PRKAR1B: variants seen among roughly 807,000 people sequenced by gnomAD.
The protein encoded by PRKAR1B is protein kinase cAMP-dependent type I regulatory subunit beta.
Under a neutral mutation model 46.5 loss-of-function variants are expected in PRKAR1B, and 22 were observed. The ratio of observed to expected loss-of-function variants is 0.47; its 90% CI spans 0.34 to 0.68. The LOEUF is 0.68. Among genes scored for constraint, PRKAR1B ranks in the 30% least tolerant of loss-of-function variants. The pLI is 0.01. For synonymous variants in PRKAR1B, 259 were observed against 217.7 expected, an observed-to-expected ratio of 1.19 and a Z score of -1.67; for missense variants, 445 against 535.6, an observed-to-expected ratio of 0.83 and a Z score of 1.67.
chr7:636,010 C>T (rs1348455094), intron 4 of PRKAR1B, among the ~76,000 whole-genome samples: 1 of 77,350 alleles, frequency 1.3e-5, no homozygotes, highest in Admixed American at 1.4e-4. Context: ...CCGGCCGCGC[C>T]CTCACGTCCT....
chr7:727,346 C>A, upstream of PRKAR1B: 3 of 1,173,970 alleles, frequency 2.6e-6, no homozygotes, highest in Non-Finnish European at 3.2e-6. Flanking sequence ...TCCCACACGC[C>A]ACCCCACACT....
chr7:656,147 T>A (rs1785173231), intron 4 of PRKAR1B, among the ~76,000 whole-genome samples: 2 of 152,140 alleles, frequency 1.3e-5, no homozygotes, highest in Non-Finnish European at 2.9e-5. Context: ...GATGGGTGAA[T>A]GAATGGATGG....
At chr7:600,668 G>A (rs1007877432) in intron 6 of PRKAR1B, among the ~76,000 whole-genome samples, 1 of 152,164 alleles carries the variant, frequency 6.6e-6, no homozygotes, top group African/African-American at 2.4e-5. Flanking sequence ...GAAACCGAGG[G>A]AAGCCCGGAA....
At position 551,374 on chromosome 7, in the gene PRKAR1B, GC is replaced by G; in HGVS notation, c.973+14del. ...GCCACAGCCGTGCGAGGGAGGGGAC[GC>G]CCACTGGACTCACCGAAGTAGTCAG... is the stretch of plus-strand genomic sequence containing the variant. On this transcript the variant is annotated intron_variant, in intron 10 of 10. Transcript: ENST00000537384. 6.4e-7 allele frequency: 1 copy of G among 1,551,334 alleles called. No individual in the cohort carries two copies. The highest frequency in any genetic ancestry group is 1.8e-4 in the Middle Eastern group (1 of 5,576).
chr7:576,058 C>T (rs1347335705), intron 9 of PRKAR1B, among the ~76,000 whole-genome samples: 2 of 151,218 alleles, frequency 1.3e-5, no homozygotes, highest in Non-Finnish European at 2.9e-5. Flanking sequence ...GGCAAATGTG[C>T]ACACAGGCAT....
chr7:571,351 G>A (rs569799565), intron 9 of PRKAR1B, among the ~76,000 whole-genome samples: 48 of 152,262 alleles, frequency 3.2e-4, no homozygotes, highest in African/African-American at 1.1e-3. Context: ...GTTTTGCAGG[G>A]GTCCCTTTCC....
chr7:712,008 C>A (rs569302050), intron 1 of PRKAR1B, among the ~76,000 whole-genome samples: 5 of 151,454 alleles, frequency 3.3e-5, no homozygotes, highest in African/African-American at 1.2e-4. Context: ...GCTGGGGCGG[C>A]CTCTGCACAG....
At chr7:685,639 C>T (rs1276153718) in intron 2 of PRKAR1B, among the ~76,000 whole-genome samples, 1 of 151,366 alleles carries the variant, frequency 6.6e-6, no homozygotes, top group Non-Finnish European at 1.5e-5. Flanking sequence ...GTCAGTTCAC[C>T]TACAAAGGAC....
chr7:702,864 A>G (rs1324408776), intron 2 of PRKAR1B, among the ~76,000 whole-genome samples: 1 of 151,700 alleles, frequency 6.6e-6, no homozygotes, highest in Admixed American at 6.6e-5. Flanking sequence ...ATAAATAAAT[A>G]AAGATGCATC....
At chr7:727,416 C>A, upstream of PRKAR1B, 1 of 551,836 alleles carries the variant, frequency 1.8e-6, no homozygotes, top group East Asian at 4.4e-5. Flanking sequence ...GGCCCCGCCC[C>A]CCTCCACGCC....
rs76709894 is a variant in PRKAR1B, at chr7:571,613, G to C, written c.891+7643C>G. On this transcript the variant is annotated intron_variant, in intron 9 of 10. Transcript: ENST00000537384. ...TCCCAGGCCGCTGCCGCCCCGTATAGGAGGAAGCTGGGGAATTTCGGTCTC... is the reference window on the plus strand; with the variant it reads ...TCCCAGGCCGCTGCCGCCCCGTATACGAGGAAGCTGGGGAATTTCGGTCTC... Among the ~76,000 whole-genome samples, 86 of 152,376 alleles carry C rather than the reference G, an allele frequency of 5.6e-4. No homozygotes were observed. In the East Asian group the frequency reaches 0.014, roughly 25 times the overall value.
At chr7:624,009 C>T (rs184438360) in intron 4 of PRKAR1B, among the ~76,000 whole-genome samples, 6 of 152,320 alleles carry the variant, frequency 3.9e-5, no homozygotes, top group East Asian at 1.9e-4. Flanking sequence ...CTGGCCATGG[C>T]GTCCAGCCCT....
intron 9 of PRKAR1B, among the ~76,000 whole-genome samples, chr7:573,878 G>A (rs1025281663): frequency 1.3e-5 from 2 of 152,142 alleles, no homozygotes; most frequent in South Asian, 2.1e-4. Context: ...GTCCTCAGCC[G>A]ATGACCCCGG....
At chr7:573,965 C>T (rs968263244) in intron 9 of PRKAR1B, among the ~76,000 whole-genome samples, 2 of 152,248 alleles carry the variant, frequency 1.3e-5, no homozygotes, top group South Asian at 2.1e-4. Context: ...GCGTGGGGGG[C>T]TCCCAGGACG....
intron 1 of PRKAR1B, chr7:726,948 ACTG>A (rs1235721334): frequency 7.5e-7 from 1 of 1,331,536 alleles, no homozygotes; most frequent in Non-Finnish European, 9.6e-7. Flanking sequence ...GGGCGCGCCT[ACTG>A]CTGCCGCGCT....
chr7:589,889 G>A (rs1013423330), intron 7 of PRKAR1B, among the ~76,000 whole-genome samples: 4 of 152,224 alleles, frequency 2.6e-5, no homozygotes, highest in Admixed American at 6.5e-5. Context: ...GAGAGGAGCC[G>A]GGACGATCCA....
chr7:627,245 C>G (rs1010647006), intron 4 of PRKAR1B, among the ~76,000 whole-genome samples: 1 of 152,230 alleles, frequency 6.6e-6, no homozygotes, highest in Non-Finnish European at 1.5e-5. Context: ...CCGCCTCAGC[C>G]TCTCAAAGTG....
intron 1 of PRKAR1B, among the ~76,000 whole-genome samples, chr7:711,745 G>A (rs1780643626): frequency 6.6e-6 from 1 of 152,144 alleles, no homozygotes. Flanking sequence ...CAGGGGTGGA[G>A]GGGGCTCAGG....
chr7:703,336 C>G (rs1458891211), intron 2 of PRKAR1B, among the ~76,000 whole-genome samples: 1 of 152,066 alleles, frequency 6.6e-6, no homozygotes, highest in Non-Finnish European at 1.5e-5. Flanking sequence ...GTAGGTATAG[C>G]AAGGGGCCAA....
Sources: gnomAD v4.1 joint callset for allele counts (sites outside exome capture counted in the v4.1 genomes callset) on GRCh38, gnomAD v4.1.1 for gene constraint, MANE v1.5 for transcripts, NCBI Gene and HGNC (gene_info 2026-07-23, HGNC 2026-07-21) for gene names.